NRXN3: variants seen among roughly 807,000 people sequenced by gnomAD.
NRXN3 encodes neurexin 3.
A neutral mutation model predicts 137.6 loss-of-function variants in NRXN3; 32 were observed. The observed-to-expected ratio is 0.23, with a 90% CI of 0.18 to 0.31. NRXN3 has a LOEUF of 0.31. NRXN3 is among the 10% of genes least tolerant of loss of function. The pLI, the probability that NRXN3 is intolerant of heterozygous loss-of-function variation, is 1.00. For synonymous variants in NRXN3, 798 were observed against 784.5 expected (o/e 1.02, Z -0.29); for missense variants, 1,574 against 2,062.5 (o/e 0.76, Z 4.59).
intron 15 of NRXN3, among the ~76,000 whole-genome samples, chr14:79,353,368 G>A (rs2093301248): frequency 6.6e-6 from 1 of 151,902 alleles, no homozygotes; most frequent in South Asian, 2.1e-4. Flanking sequence ...TATGTATTAA[G>A]GGGAAGATAT....
rs553641138 is a variant in NRXN3, at chr14:78,556,765, T to G, written c.758-88355T>G. On this transcript the variant is annotated intron_variant, in intron 4 of 20. Coordinates refer to ENST00000335750, the MANE Select transcript of NRXN3 (RefSeq NM_001330195.2). ...TGAATTAACAAATACCTGATCTCCA[T>G]TTTTGTAGACCATCAAGAAATAGCA... 3.2e-4 allele frequency among the ~76,000 whole-genome samples: 49 copies of G among 152,262 alleles called. 2 individuals are homozygous for G. The highest frequency in any genetic ancestry group is 9.6e-4 in the African/African-American group (40 of 41,564).
chr14:78,649,377 A>G, intron 5 of NRXN3: 1 of 567,580 alleles, frequency 1.8e-6, no homozygotes, highest in Non-Finnish European at 2.6e-6. Flanking sequence ...TTTCCTCTCC[A>G]ACCCCCCCTT....
chr14:79,318,199 A>C (rs2089276422), intron 15 of NRXN3, among the ~76,000 whole-genome samples: 1 of 152,248 alleles, frequency 6.6e-6, no homozygotes, highest in Admixed American at 6.5e-5. Flanking sequence ...ATGGTCAAGC[A>C]TTTTCAAGAA....
chr14:79,069,733 G>C (rs757646202), intron 15 of NRXN3, among the ~76,000 whole-genome samples: 1 of 152,086 alleles, frequency 6.6e-6, no homozygotes, highest in African/African-American at 2.4e-5. Flanking sequence ...GTGACACACT[G>C]TGATCATTAC....
chr14:79,693,599 T>C (rs1319162693), intron 18 of NRXN3, among the ~76,000 whole-genome samples: 13 of 151,992 alleles, frequency 8.6e-5, no homozygotes, highest in Admixed American at 8.5e-4. Flanking sequence ...TTTATGTTAA[T>C]AATTTTTATT....
chr14:78,801,959 C>T (rs6574472), intron 8 of NRXN3, among the ~76,000 whole-genome samples: 114,701 of 152,126 alleles, frequency 0.75, 46,630 homozygotes, highest in Non-Finnish European at 0.91. Context: ...CTGTGTCTCC[C>T]TTTAGAACAG....
intron 19 of NRXN3, among the ~76,000 whole-genome samples, chr14:79,804,308 T>C (rs1246023499): frequency 6.6e-6 from 1 of 152,134 alleles, no homozygotes; most frequent in Non-Finnish European, 1.5e-5. Context: ...CAGAAAGCAG[T>C]CATCTCACCT....
intron 17 of NRXN3, among the ~76,000 whole-genome samples, chr14:79,665,063 T>C (rs2098551530): frequency 6.6e-6 from 1 of 152,192 alleles, no homozygotes. Context: ...AATTTGCCTA[T>C]TTGTAGGCCA....
At chr14:79,403,660 G>C (rs1337653974) in intron 15 of NRXN3, among the ~76,000 whole-genome samples, 2 of 152,124 alleles carry the variant, frequency 1.3e-5, no homozygotes, top group Non-Finnish European at 2.9e-5. Flanking sequence ...GTAGACTAAG[G>C]CTGTGAGAGA....
At chr14:78,348,610 G>A (rs898397820) in intron 4 of NRXN3, among the ~76,000 whole-genome samples, 5 of 152,172 alleles carry the variant, frequency 3.3e-5, no homozygotes, top group East Asian at 3.8e-4. Context: ...GTAAGGCTGC[G>A]TATCATTCTT....
intron 16 of NRXN3, among the ~76,000 whole-genome samples, chr14:79,557,393 A>G (rs2097441320): frequency 6.6e-6 from 1 of 152,126 alleles, no homozygotes; most frequent in Non-Finnish European, 1.5e-5. Context: ...ATCAACATCC[A>G]TGTAATTAGC....
At chr14:79,498,166 C>G (rs1421914878) in intron 16 of NRXN3, among the ~76,000 whole-genome samples, 1 of 152,082 alleles carries the variant, frequency 6.6e-6, no homozygotes, top group Non-Finnish European at 1.5e-5. Flanking sequence ...AATGAGCATG[C>G]GTTCTATGAG....
At chr14:79,440,811 T>C (rs1460539020) in intron 15 of NRXN3, among the ~76,000 whole-genome samples, 1 of 152,172 alleles carries the variant, frequency 6.6e-6, no homozygotes, top group Non-Finnish European at 1.5e-5. Flanking sequence ...TTTACGGTAA[T>C]ATATTTATTG....
At chr14:79,727,074 A>T (rs2098894703) in intron 19 of NRXN3, among the ~76,000 whole-genome samples, 2 of 152,324 alleles carry the variant, frequency 1.3e-5, no homozygotes, top group Admixed American at 1.3e-4. Context: ...GCTAGTGATA[A>T]CATTATTCAG....
chr14:79,773,838 A>G (rs2099087993), intron 19 of NRXN3, among the ~76,000 whole-genome samples: 1 of 151,324 alleles, frequency 6.6e-6, no homozygotes, highest in Non-Finnish European at 1.5e-5. Context: ...TACAAAAAAA[A>G]AAAAAGAAAT....
chr14:78,999,838 A>T (rs1329223542), intron 15 of NRXN3, among the ~76,000 whole-genome samples: 1 of 152,164 alleles, frequency 6.6e-6, no homozygotes, highest in Non-Finnish European at 1.5e-5. Context: ...TTCCAAAGTG[A>T]TGTTGTGGTT....
intron 20 of NRXN3, among the ~76,000 whole-genome samples, chr14:79,805,744 AT>A (rs2099202078): frequency 6.6e-6 from 1 of 152,138 alleles, no homozygotes; most frequent in African/African-American, 2.4e-5. Context: ...CTTTGTACTA[AT>A]TTTGTTAACT....
chr14:78,592,211 G>T (rs2097123904), intron 4 of NRXN3, among the ~76,000 whole-genome samples: 1 of 152,006 alleles, frequency 6.6e-6, no homozygotes, highest in African/African-American at 2.4e-5. Flanking sequence ...TTTTATTCTT[G>T]TTACTTTTTA....
chr14:78,293,629 G>A (rs1038286669), intron 3 of NRXN3, among the ~76,000 whole-genome samples: 4 of 151,920 alleles, frequency 2.6e-5, no homozygotes, highest in East Asian at 1.9e-4. Context: ...CTGTGCCTCC[G>A]TCTCTTTCCC....
Sources: allele counts gnomAD v4.1 joint callset (sites outside exome capture counted in the v4.1 genomes callset), GRCh38; gene constraint gnomAD v4.1.1; transcripts MANE v1.5; gene names NCBI Gene and HGNC (gene_info 2026-07-23, HGNC 2026-07-21).